Variants in PAK1 observed in about 807,000 individuals in gnomAD.
The protein encoded by PAK1 is p21 (RAC1) activated kinase 1, also known as serine/threonine-protein kinase PAK 1.
Under a neutral mutation model 67.4 loss-of-function variants are expected in PAK1, and 29 were observed. The observed-to-expected ratio is 0.43, with a 90% CI of 0.32 to 0.59. The LOEUF is 0.59. Ranked by LOEUF, PAK1 falls within the 20% of genes least tolerant of loss-of-function variation. The pLI, the probability that PAK1 is intolerant of heterozygous loss-of-function variation, is 0.07. For synonymous variants in PAK1, 223 were observed against 237.4 expected (o/e 0.94, Z 0.56); for missense variants, 337 against 670.7 (o/e 0.50, Z 5.50).
intron 1 of PAK1, among the ~76,000 whole-genome samples, chr11:77,433,260 G>A (rs1024945760): frequency 6.6e-6 from 1 of 152,116 alleles, no homozygotes; most frequent in Non-Finnish European, 1.5e-5. Context: ...GAAAACATAG[G>A]TGTAAATATT....
At chr11:77,514,942 A>C in the PAK1 span, 2 of 152,232 alleles carry the variant, frequency 1.3e-5, no homozygotes, top group Non-Finnish European at 1.5e-5. Flanking sequence ...TTCTCAAAAA[A>C]GATCATAGTT....
chr11:77,351,102 AAT>A (rs1484201443), intron 8 of PAK1, among the ~76,000 whole-genome samples: 70 of 152,198 alleles, frequency 4.6e-4, no homozygotes, highest in Non-Finnish European at 9.8e-4. Context: ...TTAAAGGAGA[AAT>A]AAAAGCAAGC....
chr11:77,488,270 T>C, the PAK1 span, among the ~76,000 whole-genome samples: 1 of 152,112 alleles, frequency 6.6e-6, no homozygotes, highest in East Asian at 1.9e-4. Context: ...AAAAAAAACT[T>C]GGATCACAAC....
chr11:77,457,279 T>TC (rs775573843), intron 1 of PAK1, among the ~76,000 whole-genome samples: 10 of 152,222 alleles, frequency 6.6e-5, no homozygotes, highest in Non-Finnish European at 1.3e-4. Context: ...ATGAACTTCA[T>TC]CATCTCTGTC....
intron 1 of PAK1, among the ~76,000 whole-genome samples, chr11:77,452,910 A>G (rs1189069628): frequency 6.6e-6 from 1 of 152,232 alleles, no homozygotes; most frequent in African/African-American, 2.4e-5. Context: ...CCTGCCTCAC[A>G]GCAAATCAGG....
At chr11:77,469,480 T>C (rs939116368) in intron 1 of PAK1, among the ~76,000 whole-genome samples, 1 of 152,200 alleles carries the variant, frequency 6.6e-6, no homozygotes, top group Non-Finnish European at 1.5e-5. Context: ...ATTATTTTAA[T>C]TGCTTCATGA....
At chr11:77,414,669 T>C (rs1184931413) in intron 1 of PAK1, among the ~76,000 whole-genome samples, 1 of 152,200 alleles carries the variant, frequency 6.6e-6, no homozygotes, top group Non-Finnish European at 1.5e-5. Context: ...CAATAAATTG[T>C]GCTAGAACTG....
chr11:77,486,716 C>T, the PAK1 span, among the ~76,000 whole-genome samples: 1 of 152,192 alleles, frequency 6.6e-6, no homozygotes, highest in Non-Finnish European at 1.5e-5. Flanking sequence ...ATCCAAAACT[C>T]AGCCAGAACC....
At chr11:77,440,272 C>A (rs1956297461) in intron 1 of PAK1, among the ~76,000 whole-genome samples, 1 of 152,064 alleles carries the variant, frequency 6.6e-6, no homozygotes, top group African/African-American at 2.4e-5. Context: ...CAGGGCCTCG[C>A]ATCTATAATC....
the PAK1 span, among the ~76,000 whole-genome samples, chr11:77,480,229 C>T: frequency 6.6e-6 from 1 of 152,108 alleles, no homozygotes. Flanking sequence ...GCATATCTTG[C>T]TCCCTCACTC....
intron 5 of PAK1, among the ~76,000 whole-genome samples, chr11:77,368,312 G>A (rs1947890399): frequency 6.6e-6 from 1 of 152,160 alleles, no homozygotes; most frequent in African/African-American, 2.4e-5. Flanking sequence ...AAAGTGTAAT[G>A]TTTTCCAAAT....
chr11:77,396,871 T>C (rs763748882), intron 1 of PAK1, among the ~76,000 whole-genome samples: 4 of 152,234 alleles, frequency 2.6e-5, no homozygotes, highest in Non-Finnish European at 5.9e-5. Context: ...TTCCTCTTTT[T>C]ACCCTCATTG....
At chr11:77,396,751 T>C (rs1206601407) in intron 1 of PAK1, among the ~76,000 whole-genome samples, 1 of 152,132 alleles carries the variant, frequency 6.6e-6, no homozygotes, top group Non-Finnish European at 1.5e-5. Flanking sequence ...GAACACAATT[T>C]TGTGCTTTCT....
intron 1 of PAK1, among the ~76,000 whole-genome samples, chr11:77,447,081 G>A (rs1003208064): frequency 6.6e-6 from 1 of 152,134 alleles, no homozygotes; most frequent in African/African-American, 2.4e-5. Context: ...ACAGAGATAA[G>A]AAGAGCTAGA....
At chr11:77,416,780 C>T (rs1371047698) in intron 1 of PAK1, among the ~76,000 whole-genome samples, 3 of 152,020 alleles carry the variant, frequency 2.0e-5, no homozygotes, top group East Asian at 1.9e-4. Context: ...AGTGAAACCC[C>T]GTCTCTACTA....
At chr11:77,495,440 C>G in the PAK1 span, among the ~76,000 whole-genome samples, 1 of 152,072 alleles carries the variant, frequency 6.6e-6, no homozygotes, top group South Asian at 2.1e-4. Context: ...CACAACTGCA[C>G]TCCAGCCTGG....
chr11:77,410,311 G>A (rs1270396326), intron 1 of PAK1, among the ~76,000 whole-genome samples: 1 of 152,092 alleles, frequency 6.6e-6, no homozygotes, highest in African/African-American at 2.4e-5. Flanking sequence ...CTACCTGCTT[G>A]CTGCCCCACC....
intron 14 of PAK1, among the ~76,000 whole-genome samples, chr11:77,332,436 A>AAAGG (rs1259272643): frequency 6.9e-6 from 1 of 143,962 alleles, no homozygotes; most frequent in South Asian, 2.3e-4. Flanking sequence ...AGAAGAAAGG[A>AAAGG]AAGGAAGGAA....
At chr11:77,385,844 C>T (rs1950381671) in intron 2 of PAK1, among the ~76,000 whole-genome samples, 1 of 151,710 alleles carries the variant, frequency 6.6e-6, no homozygotes, top group South Asian at 2.1e-4. Context: ...GACAACAGAG[C>T]GTGACTGTCT....
Sources: gnomAD v4.1 joint callset for allele counts (sites outside exome capture counted in the v4.1 genomes callset) on GRCh38, gnomAD v4.1.1 for gene constraint, MANE v1.5 for transcripts, NCBI Gene and HGNC (gene_info 2026-07-23, HGNC 2026-07-21) for gene names.